Variants in FAR2 observed in about 807,000 individuals in gnomAD.
FAR2 encodes the protein epididymis secretory protein Li 81.
A neutral mutation model predicts 56.0 loss-of-function variants in FAR2; 19 were observed. The observed-to-expected ratio is 0.34, with a 90% confidence interval of 0.24 to 0.50. FAR2 has a LOEUF of 0.50. Among genes scored for constraint, FAR2 ranks in the 20% least tolerant of loss-of-function variants. The pLI is 0.98. For missense variants in FAR2, 508 were observed against 642.2 expected, an observed-to-expected ratio of 0.79 and a Z score of 2.26; for synonymous variants, 219 against 218.8, an observed-to-expected ratio of 1.00 and a Z score of -0.01.
chr12:29,257,669 G>A (rs1019012458), intron 1 of FAR2, among the ~76,000 whole-genome samples: 6 of 151,850 alleles, frequency 4.0e-5, no homozygotes, highest in Non-Finnish European at 5.9e-5. Flanking sequence ...CTCCAGACGC[G>A]CCGCCTTAAG....
At chr12:29,251,766 T>C (rs1948215369) in intron 1 of FAR2, among the ~76,000 whole-genome samples, 1 of 152,096 alleles carries the variant, frequency 6.6e-6, no homozygotes, top group Non-Finnish European at 1.5e-5. Context: ...TAGAGACCAA[T>C]ACCACCATCA....
At chr12:29,168,745 G>T (rs1949856097) in intron 1 of FAR2, among the ~76,000 whole-genome samples, 1 of 152,176 alleles carries the variant, frequency 6.6e-6, no homozygotes, top group Admixed American at 6.5e-5. Flanking sequence ...TCTTAAAGGT[G>T]GTGTGGACCC....
intron 1 of FAR2, among the ~76,000 whole-genome samples, chr12:29,251,967 C>T (rs1948219612): frequency 2.6e-5 from 4 of 152,174 alleles, no homozygotes. Flanking sequence ...ACATTATGCT[C>T]TGCTAGCTTG....
chr12:29,237,389 G>A (rs901282046), intron 1 of FAR2, among the ~76,000 whole-genome samples: 3 of 152,150 alleles, frequency 2.0e-5, no homozygotes, highest in Admixed American at 6.6e-5. Flanking sequence ...AGCGGTAATT[G>A]TATTCTTTAT....
chr12:29,197,800 G>A (rs532378533), intron 1 of FAR2, among the ~76,000 whole-genome samples: 3 of 152,156 alleles, frequency 2.0e-5, no homozygotes, highest in African/African-American at 2.4e-5. Context: ...AAGAAATGAA[G>A]TATTGTATCA....
chr12:29,269,403 C>T (rs1256692277), intron 1 of FAR2, among the ~76,000 whole-genome samples: 1 of 152,256 alleles, frequency 6.6e-6, no homozygotes, highest in East Asian at 1.9e-4. Context: ...TTCTGTTATC[C>T]TGTTCTTTTT....
At chr12:29,186,725 G>T (rs1950044056) in intron 1 of FAR2, among the ~76,000 whole-genome samples, 1 of 151,716 alleles carries the variant, frequency 6.6e-6, no homozygotes, top group South Asian at 2.1e-4. Flanking sequence ...AGCCCTTCTT[G>T]TTAGAATTAT....
At chr12:29,260,915 G>A (rs1277272212) in intron 1 of FAR2, among the ~76,000 whole-genome samples, 2 of 152,200 alleles carry the variant, frequency 1.3e-5, no homozygotes, top group African/African-American at 4.8e-5. Context: ...CTGTGCAACA[G>A]CCACAGTGTT....
intron 1 of FAR2, among the ~76,000 whole-genome samples, chr12:29,211,410 A>C (rs1021300882): frequency 1.1e-4 from 17 of 152,208 alleles, no homozygotes; most frequent in Admixed American, 1.1e-3. Context: ...TACATTTATG[A>C]AATGCATATA....
intron 1 of FAR2, chr12:29,151,521 G>T (rs950619465): frequency 6.6e-6 from 1 of 152,186 alleles, no homozygotes; most frequent in African/African-American, 2.4e-5. Context: ...AGGGCCCTGC[G>T]TTTGGTAATG....
At chr12:29,255,868 T>C (rs145928278) in intron 1 of FAR2, among the ~76,000 whole-genome samples, 64 of 152,206 alleles carry the variant, frequency 4.2e-4, no homozygotes, top group Non-Finnish European at 7.8e-4. Flanking sequence ...ATTATTTTTA[T>C]TTTATTTATT....
At chr12:29,220,067 TC>T (rs1448132484) in intron 1 of FAR2, among the ~76,000 whole-genome samples, 1 of 152,204 alleles carries the variant, frequency 6.6e-6, no homozygotes, top group Non-Finnish European at 1.5e-5. Flanking sequence ...TTACAAATGA[TC>T]CAGTTGAGTC....
intron 1 of FAR2, among the ~76,000 whole-genome samples, chr12:29,160,831 C>T (rs1003973766): frequency 6.6e-6 from 1 of 152,082 alleles, no homozygotes; most frequent in African/African-American, 2.4e-5. Flanking sequence ...GACCCCCCCC[C>T]ACTCCAGTAT....
At chr12:29,269,995 C>A (rs535500644) in intron 1 of FAR2, among the ~76,000 whole-genome samples, 1 of 152,208 alleles carries the variant, frequency 6.6e-6, no homozygotes, top group Non-Finnish European at 1.5e-5. Context: ...GACACCATGA[C>A]CCCAGCCCTT....
rs375993679 is a variant in FAR2, at chr12:29,267,427, CTG to C, written c.-38-2984_-38-2983del. Among the ~76,000 whole-genome samples, 698 of 152,298 alleles carry C rather than the reference CTG, an allele frequency of 4.6e-3. 7 individuals are homozygous for C. The highest frequency in any genetic ancestry group is 0.016 in the African/African-American group (666 of 41,570). On this transcript the variant is annotated intron_variant, in intron 1 of 11. Transcript: ENST00000536681. ...TTTTCTACATTTTCCTGATAAGTAA[CTG>C]AGGCACAGAGAGATTAGTAATTTCC...
intron 1 of FAR2, among the ~76,000 whole-genome samples, chr12:29,215,084 C>G (rs972952389): frequency 6.6e-6 from 1 of 151,908 alleles, no homozygotes; most frequent in East Asian, 1.9e-4. Flanking sequence ...GTGGCATGTT[C>G]AAGAATCAGA....
At chr12:29,229,960 C>G (rs1355934404) in intron 1 of FAR2, among the ~76,000 whole-genome samples, 2 of 152,032 alleles carry the variant, frequency 1.3e-5, no homozygotes, top group African/African-American at 4.8e-5. Context: ...TTCCTGCAGC[C>G]TTTCAACAAC....
At chr12:29,219,894 A>C (rs1329165578) in intron 1 of FAR2, among the ~76,000 whole-genome samples, 1 of 152,206 alleles carries the variant, frequency 6.6e-6, no homozygotes, top group Non-Finnish European at 1.5e-5. Context: ...TGAAAAAGAG[A>C]AACATTCAAG....
chr12:29,236,473 C>A (rs1591877689), intron 1 of FAR2, among the ~76,000 whole-genome samples: 1 of 152,284 alleles, frequency 6.6e-6, no homozygotes, highest in Non-Finnish European at 1.5e-5. Flanking sequence ...ACTCATGGTT[C>A]CGCATGGCTG....
Sources: gnomAD v4.1 joint callset for allele counts (sites outside exome capture counted in the v4.1 genomes callset) on GRCh38, gnomAD v4.1.1 for gene constraint, MANE v1.5 for transcripts, NCBI Gene and HGNC (gene_info 2026-07-23, HGNC 2026-07-21) for gene names.